Variants in IL18R1 observed in about 807,000 individuals in gnomAD.
IL18R1 encodes interleukin 18 receptor 1, also known as interleukin-18 receptor 1.
In IL18R1, 40 loss-of-function variants were observed where a neutral mutation model predicts 48.5. The ratio of observed to expected loss-of-function variants is 0.82; its 90% CI spans 0.64 to 1.07. The LOEUF (loss-of-function observed/expected upper bound fraction) is 1.07. IL18R1 is among the 50% of genes least tolerant of loss of function. The pLI, the probability that IL18R1 is intolerant of heterozygous loss-of-function variation, is 0.00. For missense variants in IL18R1, 596 were observed against 633.7 expected, an observed-to-expected ratio of 0.94 and a Z score of 0.64; for synonymous variants, 232 against 225.9, an observed-to-expected ratio of 1.03 and a Z score of -0.24.
At chr2:102,372,268 A>T in intron 4 of IL18R1, 150 bp downstream of exon 4, 1 of 584,270 alleles carries the variant, frequency 1.7e-6, no homozygotes, top group Non-Finnish European at 3.0e-6. Flanking sequence ...AAGTATCCTC[A>T]CTGGCTTGTT....
At position 102,396,972 on chromosome 2, in the gene IL18R1, C is replaced by A. The variant is rs3771157; in HGVS notation, c.*86C>A. 29,846 of 763,552 alleles carry A rather than the reference C, an allele frequency of 0.039. 949 individuals carry two copies. Among genetic ancestry groups the A allele is most frequent in the East Asian group, 0.14 (5,257 of 37,036 alleles). 47.3% of individuals were successfully genotyped at this position (763,552 alleles called of 1,614,324 possible). A position where few individuals can be genotyped will look rare whatever the true frequency, so the allele number is the denominator to read the frequency against. On this transcript the variant is annotated 3_prime_UTR_variant, in exon 11 of 11. Coordinates refer to ENST00000233957, the MANE Select transcript of IL18R1 (RefSeq NM_003855.5). ...CCTGTTCATAACAAAGGCTGTGACT[C>A]GAAATAATTAACTTTGTCAAAATCC...
At chr2:102,388,713 C>A (rs1260984131) in intron 8 of IL18R1, among the ~76,000 whole-genome samples, 1 of 152,166 alleles carries the variant, frequency 6.6e-6, no homozygotes, top group South Asian at 2.1e-4. Flanking sequence ...TGTGTGCGTG[C>A]GTGTTTTTGC....
chr2:102,372,799 T>C (rs1265388330), intron 4 of IL18R1, among the ~76,000 whole-genome samples: 4 of 152,354 alleles, frequency 2.6e-5, no homozygotes, highest in East Asian at 3.9e-4. Context: ...TTATTGGACA[T>C]TTGTGAATTG....
Position 102,362,729 on chromosome 2 carries a change from A to C in IL18R1, c.58+11A>C. The C allele has an allele frequency of 6.6e-7, 1 of 1,506,478 alleles. No individual in the cohort carries two copies. The highest frequency in any genetic ancestry group is 9.1e-7 in the Non-Finnish European group (1 of 1,095,304). The allele number at this position is 1,506,478 out of a possible 1,614,324, so 93.3% of individuals were successfully genotyped here. On this transcript the variant is annotated intron_variant, in intron 2 of 10. Transcript: ENST00000233957. Reference sequence around the variant, plus strand: ...CTGTAAGCACTGCAGGTAAGTGATTATACATACTCTCAAACATATTTCATG... The same window carrying C: ...CTGTAAGCACTGCAGGTAAGTGATTCTACATACTCTCAAACATATTTCATG...
In IL18R1 at chr2:102,384,948, A is replaced by G; in HGVS notation, c.759A>G (p.Glu253=). ...EEDVIYWMFG[E]ENGSDPNIHE... ...ATGTAATTTATTGGATGTTCGGGGAAGAAAATGGATCGGATCCTAATATAC... is the reference window on the plus strand; with the variant it reads ...ATGTAATTTATTGGATGTTCGGGGAGGAAAATGGATCGGATCCTAATATAC... The change falls in exon 7 of 11, where the codon GAA becomes GAG. Residue 253 remains glutamate (E), a synonymous_variant. Coordinates refer to ENST00000233957, the MANE Select transcript of IL18R1 (RefSeq NM_003855.5). 6.2e-7 allele frequency: 1 copy of G among 1,607,848 alleles called. No homozygotes were observed. Among genetic ancestry groups the G allele is most frequent in the South Asian group, 1.1e-5 (1 of 90,788 alleles).
intron 2 of IL18R1, among the ~76,000 whole-genome samples, chr2:102,367,107 G>T (rs1055934679): frequency 6.6e-6 from 1 of 152,198 alleles, no homozygotes; most frequent in African/African-American, 2.4e-5. Context: ...AGTGCCGAAA[G>T]AGGGGAACGA....
chr2:102,395,220 C>T (rs1482843206), intron 10 of IL18R1, among the ~76,000 whole-genome samples: 1 of 151,452 alleles, frequency 6.6e-6, no homozygotes, highest in Non-Finnish European at 1.5e-5. Context: ...GGCCATAGTG[C>T]CTATATTAAA....
intron 1 of IL18R1, among the ~76,000 whole-genome samples, chr2:102,361,846 C>T (rs1678592838): frequency 6.6e-6 from 1 of 152,176 alleles, no homozygotes; most frequent in African/African-American, 2.4e-5. Flanking sequence ...AATCAGAACT[C>T]CGAATGCTAG....
intron 4 of IL18R1, chr2:102,373,941 G>T (rs1383457170): frequency 2.2e-6 from 1 of 445,920 alleles, no homozygotes; most frequent in East Asian, 7.0e-5. Flanking sequence ...CCCCAGATAG[G>T]ACCACCTATT....
chr2:102,356,498 AAG>A (rs139602551), intron 1 of IL18R1, 98 bp downstream of exon 1: 57 of 161,462 alleles, frequency 3.5e-4, no homozygotes, highest in African/African-American at 7.7e-4. Flanking sequence ...AAGATCAATT[AAG>A]AGAGAGAGAG....
chr2:102,384,942 C>G lies in IL18R1; in HGVS notation c.753C>G (p.Phe251Leu). The stretch of plus-strand genomic sequence containing the variant: ...AAGAGGATGTAATTTATTGGATGTT[C>G]GGGGAAGAAAATGGATCGGATCCTA... ...LNEEDVIYWMFGEENGSDPNI... is the reference protein window; with the variant it reads ...LNEEDVIYWMLGEENGSDPNI... Residue 251 changes from phenylalanine (F) to leucine (L), a missense_variant, in exon 7 of 11, where the codon TTC (phenylalanine) becomes TTG (leucine). Around this residue, in one of 3 missense-constraint regions of IL18R1, gnomAD observed 360 missense variants for 339.4 expected, o/e 1.06. Transcript: ENST00000233957. 1 of 1,606,718 alleles carries G rather than the reference C, an allele frequency of 6.2e-7. No homozygotes were observed. The highest frequency in any genetic ancestry group is 8.5e-7 in the Non-Finnish European group (1 of 1,174,346).
chr2:102,361,598 C>A (rs1026314347), intron 1 of IL18R1, among the ~76,000 whole-genome samples: 3 of 152,172 alleles, frequency 2.0e-5, no homozygotes, highest in African/African-American at 7.2e-5. Context: ...TTCTTATCAT[C>A]TCCATTTTGG....
intron 5 of IL18R1, among the ~76,000 whole-genome samples, chr2:102,378,534 G>A (rs1271435242): frequency 1.3e-5 from 2 of 152,182 alleles, no homozygotes; most frequent in African/African-American, 4.8e-5. Flanking sequence ...TGTCAACTGA[G>A]TCTCTCAGGA....
intron 3 of IL18R1, among the ~76,000 whole-genome samples, chr2:102,370,334 C>G (rs1679179476): frequency 6.6e-6 from 1 of 152,094 alleles, no homozygotes; most frequent in African/African-American, 2.4e-5. Flanking sequence ...ATTCATGTAC[C>G]CTATTCCTTT....
chr2:102,381,489 G>T, intron 5 of IL18R1, 131 bp from the exon 6 acceptor site: 1 of 671,090 alleles, frequency 1.5e-6, no homozygotes, highest in East Asian at 2.8e-5. Flanking sequence ...ATGCAAATAG[G>T]ACTCAAGTGA....
intron 8 of IL18R1, among the ~76,000 whole-genome samples, chr2:102,388,437 G>A (rs932848287): frequency 1.3e-5 from 2 of 152,160 alleles, no homozygotes; most frequent in African/African-American, 2.4e-5. Context: ...AGGGCTTGTC[G>A]CCTGTGGTCT....
In IL18R1 at chr2:102,393,648, T is replaced by A. The variant is rs17027063; in HGVS notation, c.1112-821T>A. 8.4e-3 allele frequency among the ~76,000 whole-genome samples: 1,274 copies of A among 152,296 alleles called. 18 individuals are homozygous for A. Among genetic ancestry groups the A allele is most frequent in the African/African-American group, 0.028 (1,175 of 41,562 alleles). ...TCAAACTCAGTAGCAAATTCATTAA[T>A]CCCAACAATATGCCATGCATAAATC... On this transcript the variant is annotated intron_variant, in intron 9 of 10. Transcript: ENST00000233957.
chr2:102,356,755 A>G (rs1159904984), intron 1 of IL18R1, among the ~76,000 whole-genome samples: 5 of 152,166 alleles, frequency 3.3e-5, no homozygotes, highest in South Asian at 2.1e-4. Context: ...AGGAACTATT[A>G]TTATGCTTTA....
intron 10 of IL18R1, 121 bp from the exon 11 acceptor site, chr2:102,396,410 A>G: frequency 1.7e-6 from 1 of 572,720 alleles, no homozygotes. Context: ...GGTTTGTCTT[A>G]AAGAAAAACT....
Sources: gnomAD v4.1 joint callset for allele counts (sites outside exome capture counted in the v4.1 genomes callset) on GRCh38, gnomAD v4.1.1 for gene constraint, gnomAD v4.1.1 regional missense constraint, MANE v1.5 for transcripts, NCBI Gene and HGNC (gene_info 2026-07-23, HGNC 2026-07-21) for gene names.